Variants in ASS1 observed in about 807,000 individuals in gnomAD.
The protein encoded by ASS1 is argininosuccinate synthase 1.
In ASS1, 58 loss-of-function variants were observed where a neutral mutation model predicts 60.5. That is an observed-to-expected ratio of 0.96 (90% CI 0.78 to 1.19). ASS1 has a LOEUF of 1.19. Ranked by LOEUF, ASS1 falls within the 50% of genes most tolerant of loss-of-function variation. ASS1 has a pLI of 0.00. For synonymous variants in ASS1, 200 were observed against 206.9 expected, an observed-to-expected ratio of 0.97 and a Z score of 0.29; for missense variants, 454 against 547.3, an observed-to-expected ratio of 0.83 and a Z score of 1.70.
intron 6 of ASS1, among the ~76,000 whole-genome samples, 162 bp downstream of exon 6, chr9:130,466,961 C>A (rs2131882792): frequency 6.6e-6 from 1 of 152,372 alleles, no homozygotes; most frequent in African/African-American, 2.4e-5. Flanking sequence ...TGGCCTCTGT[C>A]CCCTGGGCTG....
At chr9:130,479,611 C>T (rs1846114304) in intron 9 of ASS1, 105 bp from the exon 10 acceptor site, 2 of 905,152 alleles carry the variant, frequency 2.2e-6, no homozygotes, top group East Asian at 4.8e-5. Context: ...ATATCTGTCA[C>T]ATCCATTTAA....
chr9:130,492,885 C>G (rs535241928), intron 12 of ASS1, among the ~76,000 whole-genome samples: 1 of 152,294 alleles, frequency 6.6e-6, no homozygotes, highest in Admixed American at 6.5e-5. Context: ...CACTGGCCCC[C>G]AACCCAGGCT....
rs1845549052 is a variant in ASS1 at position 130,459,959 on chromosome 9, A to G, written c.363+1370A>G. Among the ~76,000 whole-genome samples the G allele has an allele frequency of 6.6e-6, 1 of 152,228 alleles. No individual in the cohort carries two copies. ...CAGTCCTTGAGAAACCAGATTCCTG[A>G]CAATGTTGGCAACTGTCAGCCGATG... On this transcript the variant is annotated intron_variant, in intron 4 of 14. Transcript: ENST00000352480. The surrounding 1 kb of genome is among the most constrained non-coding windows in gnomAD (Gnocchi z 4.6).
intron 7 of ASS1, 47 bp from the exon 8 acceptor site, chr9:130,471,438 G>A (rs368882572): frequency 2.7e-5 from 43 of 1,608,040 alleles, no homozygotes; most frequent in Admixed American, 5.0e-5. Flanking sequence ...ATGGGGACAT[G>A]CCATGTCCCT....
chr9:130,446,509 G>T (rs980611978), intron 1 of ASS1, among the ~76,000 whole-genome samples: 1 of 152,192 alleles, frequency 6.6e-6, no homozygotes, highest in Non-Finnish European at 1.5e-5. Context: ...TCTGCTCTGT[G>T]GGGGTGGATC....
At chr9:130,500,347 A>G (rs1379009974) in intron 14 of ASS1, among the ~76,000 whole-genome samples, 1 of 152,174 alleles carries the variant, frequency 6.6e-6, no homozygotes, top group East Asian at 1.9e-4. Context: ...GTGGTTAAGT[A>G]ACTTTCCAAG....
At chr9:130,500,792 T>C (rs2118897533) in intron 14 of ASS1, among the ~76,000 whole-genome samples, 184 bp from the exon 15 acceptor site, 1 of 152,184 alleles carries the variant, frequency 6.6e-6, no homozygotes, top group East Asian at 1.9e-4. Context: ...ATAAATTAAT[T>C]ACATTATCCT....
rs747850211 is a variant in ASS1, at chr9:130,476,879, G to A, written c.606G>A (p.Ala202=). The A allele has an allele frequency of 1.1e-5, 18 of 1,613,816 alleles. No homozygotes were observed. In the East Asian group the frequency reaches 1.6e-4, roughly 14 times the overall value. ...AGILENPKNQ[A]PPGLYTKTQD... ...TTTCTGTCTTTTTTCAGAACCAAGCGCCTCCAGGTCTCTACACGAAGACCC... is the reference window on the plus strand; with the variant it reads ...TTTCTGTCTTTTTTCAGAACCAAGCACCTCCAGGTCTCTACACGAAGACCC... The change falls in exon 9 of 15, where the codon GCG becomes GCA. Residue 202 remains alanine, a synonymous_variant. Transcript: ENST00000352480. This position sits in a 1 kb window ranked among gnomAD's most constrained non-coding sequence, Gnocchi z 4.9.
intron 4 of ASS1, among the ~76,000 whole-genome samples, chr9:130,460,524 G>A (rs1253607312): frequency 6.6e-6 from 1 of 152,204 alleles, no homozygotes; most frequent in Non-Finnish European, 1.5e-5. Flanking sequence ...CAGCAGGCAG[G>A]GGCTGAGGAT....
chr9:130,464,304 C>T, intron 5 of ASS1, 137 bp downstream of exon 5: 10 of 1,085,792 alleles, frequency 9.2e-6, no homozygotes, highest in Non-Finnish European at 1.4e-5. Context: ...ATCGGGTGGA[C>T]AGCCTGCTGG....
intron 11 of ASS1, among the ~76,000 whole-genome samples, chr9:130,486,248 C>T (rs149030993): frequency 7.2e-5 from 11 of 152,268 alleles, no homozygotes; most frequent in African/African-American, 1.2e-4. Flanking sequence ...CATGCCACCA[C>T]GCCCAGCTAA....
chr9:130,471,568 C>G (rs1845867205), intron 8 of ASS1, 53 bp downstream of exon 8: 1 of 1,568,548 alleles, frequency 6.4e-7, no homozygotes, highest in African/African-American at 1.4e-5. Context: ...GTGGTAGCAG[C>G]TCCATGCCGA....
At chr9:130,468,099 CTG>C (rs1236416047) in intron 6 of ASS1, among the ~76,000 whole-genome samples, 1 of 152,202 alleles carries the variant, frequency 6.6e-6, no homozygotes, top group East Asian at 1.9e-4. Flanking sequence ...TCAGAAATGA[CTG>C]TGGGGAATCT....
chr9:130,450,268 GC>G (rs1339790488), intron 1 of ASS1: 1 of 987,986 alleles, frequency 1.0e-6, no homozygotes, highest in Non-Finnish European at 1.2e-6. Context: ...CTCTGCTTTT[GC>G]AGAGTGGTTC....
At position 130,470,192 on chromosome 9, in the gene ASS1, CA is replaced by C. The variant is rs1186829042; in HGVS notation, c.496-641del. On this transcript the variant is annotated intron_variant, in intron 6 of 14. Transcript: ENST00000352480. This position sits in a 1 kb window ranked among gnomAD's most constrained non-coding sequence, Gnocchi z 4.3. ...GCCCTCTTAGCCTGGGCCTCCTGGG[CA>C]GAGGTGGGTGTCCTCCTGTAACAAC... Among the ~76,000 whole-genome samples the C allele has an allele frequency of 6.6e-6, 1 of 152,164 alleles. No homozygotes were observed. The highest frequency in any genetic ancestry group is 1.5e-5 in the Non-Finnish European group (1 of 68,032).
chr9:130,498,702 TGAGGCTCC>T (rs1223853882), intron 13 of ASS1, among the ~76,000 whole-genome samples: 1 of 152,214 alleles, frequency 6.6e-6, no homozygotes, highest in Non-Finnish European at 1.5e-5. Context: ...AGTGCAAGGC[TGAGGCTCC>T]GAGTGCAGGA....
At chr9:130,490,958 C>T (rs1246308745) in intron 12 of ASS1, among the ~76,000 whole-genome samples, 1 of 152,196 alleles carries the variant, frequency 6.6e-6, no homozygotes. Context: ...GGGGCCTGGA[C>T]GTCAGGGGAC....
intron 3 of ASS1, among the ~76,000 whole-genome samples, chr9:130,456,021 G>A (rs1203144930): frequency 1.3e-5 from 2 of 152,252 alleles, no homozygotes; most frequent in Non-Finnish European, 2.9e-5. Context: ...TTGAAGATTC[G>A]AGTGCGCTTT....
At chr9:130,499,319 C>A (rs1196697933) in intron 13 of ASS1, among the ~76,000 whole-genome samples, 186 bp from the exon 14 acceptor site, 2 of 152,216 alleles carry the variant, frequency 1.3e-5, no homozygotes, top group Admixed American at 1.3e-4. Context: ...GGGTGCCTGG[C>A]CCAGAACAGG....
Sources: gnomAD v4.1 joint callset for allele counts (sites outside exome capture counted in the v4.1 genomes callset) on GRCh38, gnomAD v4.1.1 for gene constraint, Gnocchi (gnomAD v3.1) non-coding constraint, MANE v1.5 for transcripts, NCBI Gene and HGNC (gene_info 2026-07-23, HGNC 2026-07-21) for gene names.